Variants in FBXL2 observed in about 807,000 individuals in gnomAD.
The protein encoded by FBXL2 is F-box and leucine rich repeat protein 2.
In FBXL2, 38 loss-of-function variants were observed where a neutral mutation model predicts 69.2. The observed-to-expected ratio is 0.55, with a 90% confidence interval of 0.42 to 0.72. The LOEUF is 0.72. Among genes scored for constraint, FBXL2 ranks in the 30% least tolerant of loss-of-function variants. The pLI, the probability that FBXL2 is intolerant of heterozygous loss-of-function variation, is 0.00. For missense variants in FBXL2, 354 were observed against 520.3 expected (o/e 0.68, Z 3.11); for synonymous variants, 192 against 201.3 (o/e 0.95, Z 0.39).
chr3:33,312,231 AT>A (rs2037275611), intron 2 of FBXL2, among the ~76,000 whole-genome samples: 1 of 151,378 alleles, frequency 6.6e-6, no homozygotes, highest in Non-Finnish European at 1.5e-5. Flanking sequence ...TAATTTTTAA[AT>A]TTTTTTGTAG....
At chr3:33,400,949 G>C in intron 12 of FBXL2, 1 of 1,592,270 alleles carries the variant, frequency 6.3e-7, no homozygotes, top group Non-Finnish European at 8.5e-7. Context: ...AGTTTTAGGA[G>C]AAAGATACTT....
At chr3:33,279,725 T>C (rs1187478159) in intron 1 of FBXL2, among the ~76,000 whole-genome samples, 1 of 152,214 alleles carries the variant, frequency 6.6e-6, no homozygotes, top group African/African-American at 2.4e-5. Flanking sequence ...ATAATAATAA[T>C]GACAACTAAT....
At chr3:33,321,709 A>G (rs1009714448) in intron 2 of FBXL2, among the ~76,000 whole-genome samples, 1 of 152,218 alleles carries the variant, frequency 6.6e-6, no homozygotes, top group Non-Finnish European at 1.5e-5. Context: ...TCTAGGCTGT[A>G]TGGTATAGCG....
intron 2 of FBXL2, among the ~76,000 whole-genome samples, chr3:33,328,908 ACAG>A (rs2038936773): frequency 1.3e-5 from 2 of 152,138 alleles, no homozygotes; most frequent in South Asian, 4.1e-4. Context: ...ACTATTCTGC[ACAG>A]CAAAGGAAAC....
At chr3:33,289,271 G>T (rs956562714) in intron 1 of FBXL2, among the ~76,000 whole-genome samples, 1 of 152,158 alleles carries the variant, frequency 6.6e-6, no homozygotes, top group Non-Finnish European at 1.5e-5. Flanking sequence ...TCAAATTGTA[G>T]CTTTTTTGTT....
chr3:33,282,391 G>T lies in FBXL2; in HGVS notation c.3+4876G>T, dbSNP rs1283769765. ...GTGTTATTTCTGAGGGCTCTGTTCT[G>T]TTCCATTGGTGTATATATCTGTTTT... On this transcript the variant is annotated intron_variant, in intron 1 of 14. Transcript: ENST00000484457. Among the ~76,000 whole-genome samples the T allele has an allele frequency of 2.0e-5, 3 of 152,234 alleles. No individual in the cohort carries two copies. The South Asian group carries it at 6.2e-4, about 32-fold the overall frequency.
At chr3:33,346,879 G>T (rs2040481730) in intron 2 of FBXL2, among the ~76,000 whole-genome samples, 1 of 152,146 alleles carries the variant, frequency 6.6e-6, no homozygotes, top group Non-Finnish European at 1.5e-5. Context: ...TGGGGTATAT[G>T]AGATACTTTG....
At chr3:33,376,549 C>T (rs536491740) in intron 10 of FBXL2, among the ~76,000 whole-genome samples, 2 of 152,320 alleles carry the variant, frequency 1.3e-5, no homozygotes, top group East Asian at 1.9e-4. Flanking sequence ...AAATGTTATT[C>T]ATGCACCCAT....
At chr3:33,318,775 C>T (rs6763224) in intron 2 of FBXL2, among the ~76,000 whole-genome samples, 6,126 of 152,128 alleles carry the variant, frequency 0.04, 147 homozygotes, top group South Asian at 0.08. Context: ...TAATAGAATT[C>T]GGTGTGTGAA....
chr3:33,400,168 T>C (rs183986162), intron 12 of FBXL2: 98 of 1,444,334 alleles, frequency 6.8e-5, no homozygotes, highest in Admixed American at 2.5e-4. Flanking sequence ...CATGCACAGA[T>C]ACACACACAC....
At chr3:33,294,547 A>G (rs962876375) in intron 1 of FBXL2, among the ~76,000 whole-genome samples, 7 of 152,226 alleles carry the variant, frequency 4.6e-5, no homozygotes, top group Non-Finnish European at 1.0e-4. Context: ...CTTACATTAA[A>G]AAGAAGAAAG....
chr3:33,420,164 T>C, the FBXL2 span, among the ~76,000 whole-genome samples: 1 of 152,192 alleles, frequency 6.6e-6, no homozygotes, highest in African/African-American at 2.4e-5. Flanking sequence ...TAAAGTCCTA[T>C]TCCTATCATG....
At chr3:33,335,481 C>A (rs6782584) in intron 2 of FBXL2, among the ~76,000 whole-genome samples, 61,578 of 151,558 alleles carry the variant, frequency 0.41, 13,957 homozygotes, top group East Asian at 0.6. Flanking sequence ...TAGGAAAAAC[C>A]GTGAGCCAAG....
chr3:33,370,880 G>A (rs1575375376), intron 5 of FBXL2, among the ~76,000 whole-genome samples: 1 of 152,186 alleles, frequency 6.6e-6, no homozygotes, highest in Middle Eastern at 3.4e-3. Flanking sequence ...TTGGGTCTAT[G>A]GGTTTATTGT....
chr3:33,395,454 T>G (rs2043938546), intron 12 of FBXL2, among the ~76,000 whole-genome samples: 1 of 152,122 alleles, frequency 6.6e-6, no homozygotes, highest in African/African-American at 2.4e-5. Context: ...TGCTTGCTTT[T>G]TTTAAGGGCC....
chr3:33,302,893 A>G (rs1050148595), intron 2 of FBXL2, among the ~76,000 whole-genome samples: 2 of 152,186 alleles, frequency 1.3e-5, no homozygotes, highest in African/African-American at 2.4e-5. Context: ...ATCATTTTCA[A>G]ATTTTCCTTT....
At chr3:33,398,104 T>A (rs1413011600) in intron 12 of FBXL2, 1 of 152,200 alleles carries the variant, frequency 6.6e-6, no homozygotes, top group African/African-American at 2.4e-5. Context: ...TCTCTACTTT[T>A]TAATGTCTGA....
At chr3:33,299,289 G>A (rs2036047993) in intron 2 of FBXL2, among the ~76,000 whole-genome samples, 1 of 152,018 alleles carries the variant, frequency 6.6e-6, no homozygotes, top group Admixed American at 6.6e-5. Context: ...TAATCCGCCC[G>A]CCTCGGCCTC....
rs532831977 is a variant in FBXL2 at position 33,377,657 on chromosome 3, C to T, written c.849+324C>T. On this transcript the variant is annotated intron_variant, in intron 11 of 14. Transcript: ENST00000484457. ...ACTGGGCTGTACTCTGCCCTTTGTC[C>T]TGCAAACACTGACCACTGGGGGCCC... Among the ~76,000 whole-genome samples, 3 of 152,298 alleles carry T rather than the reference C, an allele frequency of 2.0e-5. No homozygotes were observed. In the South Asian group the frequency reaches 6.2e-4, roughly 32 times the overall value.
Sources: gnomAD v4.1 joint callset for allele counts (sites outside exome capture counted in the v4.1 genomes callset) on GRCh38, gnomAD v4.1.1 for gene constraint, MANE v1.5 for transcripts, NCBI Gene and HGNC (gene_info 2026-07-23, HGNC 2026-07-21) for gene names.